DTNB: variants seen among roughly 807,000 people sequenced by gnomAD.
DTNB encodes DTN-B.
In DTNB, 63 loss-of-function variants were observed where a neutral mutation model predicts 90.7. The ratio of observed to expected loss-of-function variants is 0.69; its 90% CI spans 0.57 to 0.86. DTNB has a LOEUF of 0.86. Among genes scored for constraint, DTNB ranks in the 40% least tolerant of loss-of-function variants. The probability of loss-of-function intolerance (pLI) is 0.00; values close to 1 mark genes in which losing one functional copy is unlikely to be tolerated. For synonymous variants in DTNB, 277 were observed against 286.7 expected (o/e 0.97, Z 0.34); for missense variants, 744 against 807.1 (o/e 0.92, Z 0.95).
intron 8 of DTNB, among the ~76,000 whole-genome samples, chr2:25,571,860 G>A (rs550265089): frequency 2.5e-3 from 381 of 149,452 alleles, no homozygotes; most frequent in African/African-American, 9.3e-3. Context: ...TGGCTGAGAA[G>A]CGATATATAT....
chr2:25,421,505 T>G (rs2049695435), intron 15 of DTNB, among the ~76,000 whole-genome samples: 1 of 152,236 alleles, frequency 6.6e-6, no homozygotes, highest in Non-Finnish European at 1.5e-5. Context: ...CTTGCCAGAC[T>G]TCCCTTTGGG....
intron 20 of DTNB, among the ~76,000 whole-genome samples, chr2:25,377,928 C>T (rs2036321412): frequency 6.6e-6 from 1 of 152,280 alleles, no homozygotes; most frequent in South Asian, 2.1e-4. Flanking sequence ...CCGCGGCACC[C>T]AAGTTTTATA....
At chr2:25,566,728 A>C (rs549632671) in intron 8 of DTNB, among the ~76,000 whole-genome samples, 1 of 152,324 alleles carries the variant, frequency 6.6e-6, no homozygotes, top group African/African-American at 2.4e-5. Flanking sequence ...TGAGAGAATA[A>C]ATAACCACCT....
At chr2:25,431,453 T>A (rs961659955) in intron 14 of DTNB, among the ~76,000 whole-genome samples, 1 of 152,216 alleles carries the variant, frequency 6.6e-6, no homozygotes, top group Admixed American at 6.5e-5. Context: ...CCCAGCACAC[T>A]TTAAAATAGT....
chr2:25,407,431 A>C (rs2045483258), intron 16 of DTNB, among the ~76,000 whole-genome samples: 1 of 152,212 alleles, frequency 6.6e-6, no homozygotes, highest in Non-Finnish European at 1.5e-5. Context: ...GTATCTACCC[A>C]AAGGAAAAGA....
At chr2:25,466,141 T>C (rs761613348) in intron 10 of DTNB, among the ~76,000 whole-genome samples, 5 of 152,176 alleles carry the variant, frequency 3.3e-5, no homozygotes, top group Non-Finnish European at 7.3e-5. Flanking sequence ...GAGATCAGCC[T>C]GGCCAACATA....
At chr2:25,495,353 A>T (rs948787329) in intron 9 of DTNB, among the ~76,000 whole-genome samples, 3 of 152,226 alleles carry the variant, frequency 2.0e-5, no homozygotes, top group African/African-American at 4.8e-5. Context: ...GGCATGAGCC[A>T]TTGTGCCCAG....
intron 12 of DTNB, among the ~76,000 whole-genome samples, chr2:25,439,208 A>G (rs994408031): frequency 6.6e-6 from 1 of 152,210 alleles, no homozygotes; most frequent in Admixed American, 6.5e-5. Context: ...CAAGATGTTA[A>G]TAACAGGGGA....
At chr2:25,658,709 T>C (rs1434604363) in intron 1 of DTNB, among the ~76,000 whole-genome samples, 1 of 152,130 alleles carries the variant, frequency 6.6e-6, no homozygotes, top group African/African-American at 2.4e-5. Flanking sequence ...ACCTTCTAGA[T>C]AAAACAGAAC....
At chr2:25,559,234 T>C (rs1467841865) in intron 8 of DTNB, among the ~76,000 whole-genome samples, 3 of 152,180 alleles carry the variant, frequency 2.0e-5, no homozygotes, top group Admixed American at 6.5e-5. Context: ...CTTGTCTTCA[T>C]AGTCCAGCAT....
chr2:25,604,370 CTTTT>C (rs1374040848), intron 5 of DTNB, among the ~76,000 whole-genome samples: 1 of 150,596 alleles, frequency 6.6e-6, no homozygotes, highest in Admixed American at 6.7e-5. Context: ...TCGTTTCTTT[CTTTT>C]CTTTTTTTTC....
intron 15 of DTNB, 99 bp downstream of exon 15, chr2:25,427,435 GC>G: frequency 2.6e-6 from 3 of 1,153,888 alleles, no homozygotes; most frequent in Non-Finnish European, 3.6e-6. Flanking sequence ...CTAAAGTCAA[GC>G]CTTTGGCCTC....
intron 9 of DTNB, among the ~76,000 whole-genome samples, chr2:25,519,956 A>T (rs2075847160): frequency 6.6e-6 from 1 of 152,170 alleles, no homozygotes. Context: ...CACAATACAC[A>T]CTCAATAAAT....
intron 12 of DTNB, among the ~76,000 whole-genome samples, chr2:25,445,025 C>T (rs2058183501): frequency 6.6e-6 from 1 of 152,134 alleles, no homozygotes; most frequent in Non-Finnish European, 1.5e-5. Flanking sequence ...GAATTGGCAT[C>T]AGAAACTATC....
intron 6 of DTNB, among the ~76,000 whole-genome samples, chr2:25,589,560 T>C (rs1401643809): frequency 6.6e-6 from 1 of 151,784 alleles, no homozygotes; most frequent in Non-Finnish European, 1.5e-5. Flanking sequence ...TTTGTATTTT[T>C]AGTAGAGACG....
chr2:25,448,937 G>A (rs6546183), intron 12 of DTNB, among the ~76,000 whole-genome samples: 36,903 of 150,776 alleles, frequency 0.24, 6,312 homozygotes, highest in East Asian at 0.64. Context: ...CTATTGAAAT[G>A]TGGAATATTT....
At position 25,451,415 on chromosome 2, in the gene DTNB, T is replaced by C. The variant is rs192257213; in HGVS notation, c.1257+133A>G. On this transcript the variant is annotated intron_variant, in intron 12 of 20. Transcript: ENST00000406818. ...GGGTGAGGAAGTTTCCTTCTACTCT[T>C]AGCATGTGGAAAAGTGGAAAGTGTC... 9.5e-4 allele frequency: 870 copies of C among 912,300 alleles called. 5 individuals carry two copies. Among genetic ancestry groups the C allele is most frequent in the Non-Finnish European group, 5.6e-4 (348 of 625,624 alleles). The allele number at this position is 912,300 out of a possible 1,614,324, so 56.5% of individuals were successfully genotyped here.
chr2:25,433,766 C>CCCT, intron 13 of DTNB, 144 bp downstream of exon 13: 1 of 809,714 alleles, frequency 1.2e-6, no homozygotes, highest in Admixed American at 2.6e-5. Context: ...CCAGGGCATT[C>CCCT]CCTGGACTTG....
At chr2:25,471,181 C>T (rs1490790376) in intron 10 of DTNB, among the ~76,000 whole-genome samples, 5 of 152,172 alleles carry the variant, frequency 3.3e-5, no homozygotes, top group Non-Finnish European at 4.4e-5. Context: ...AATGACATGC[C>T]AGGCTCTATA....
Sources: allele counts gnomAD v4.1 joint callset (sites outside exome capture counted in the v4.1 genomes callset), GRCh38; gene constraint gnomAD v4.1.1; transcripts MANE v1.5; gene names NCBI Gene and HGNC (gene_info 2026-07-23, HGNC 2026-07-21).